The following TRMT9B variants were observed in gnomAD, a reference collection of about 807,000 sequenced individuals.
TRMT9B encodes the protein probable tRNA methyltransferase 9B.
In TRMT9B, 16 loss-of-function variants were observed where a neutral mutation model predicts 11.5. The ratio of observed to expected loss-of-function variants is 1.39; its 90% CI spans 0.94 to 2.11. The LOEUF is 2.11. Among genes scored for constraint, TRMT9B ranks in the 30% most tolerant of loss-of-function variants. The probability of loss-of-function intolerance (pLI) is 0.00; values close to 1 mark genes in which losing one functional copy is unlikely to be tolerated. For missense variants in TRMT9B, 941 were observed against 553.8 expected (o/e 1.70, Z -7.02); for synonymous variants, 274 against 192.4 (o/e 1.42, Z -3.51).
At chr8:13,017,740 A>T (rs1812999627) in intron 4 of TRMT9B, among the ~76,000 whole-genome samples, 1 of 150,020 alleles carries the variant, frequency 6.7e-6, no homozygotes, top group Non-Finnish European at 1.5e-5. Context: ...CAGTTTCCTG[A>T]GTAACTTGGA....
chr8:13,001,510 A>G (rs1809451921), intron 2 of TRMT9B, among the ~76,000 whole-genome samples: 2 of 152,264 alleles, frequency 1.3e-5, no homozygotes, highest in African/African-American at 4.8e-5. Flanking sequence ...CACTAAAACT[A>G]CATGAATGAA....
chr8:12,973,064 A>G (rs1453470797), intron 1 of TRMT9B, among the ~76,000 whole-genome samples: 2 of 152,158 alleles, frequency 1.3e-5, no homozygotes, highest in Non-Finnish European at 2.9e-5. Context: ...CAGGAACCTC[A>G]CATGAGTGGA....
At chr8:12,955,331 G>C (rs1473707457) in intron 1 of TRMT9B, among the ~76,000 whole-genome samples, 1 of 152,170 alleles carries the variant, frequency 6.6e-6, no homozygotes, top group African/African-American at 2.4e-5. Context: ...ATGATGATGA[G>C]GTGGTAGGGG....
At chr8:12,959,284 T>C (rs1801727260) in intron 1 of TRMT9B, among the ~76,000 whole-genome samples, 1 of 151,998 alleles carries the variant, frequency 6.6e-6, no homozygotes, top group African/African-American at 2.4e-5. Context: ...AGTGGAAAAA[T>C]CCCACACCTG....
chr8:13,011,370 T>G (rs959165154), intron 3 of TRMT9B: 1 of 985,228 alleles, frequency 1.0e-6, no homozygotes, highest in African/African-American at 1.7e-5. Context: ...GTATCATAAT[T>G]TTGAAAGTGC....
At chr8:12,965,483 G>C (rs759592625) in intron 1 of TRMT9B, among the ~76,000 whole-genome samples, 8 of 152,196 alleles carry the variant, frequency 5.3e-5, no homozygotes, top group African/African-American at 1.2e-4. Context: ...TCCCCGTCCA[G>C]AACCAAGGTG....
At chr8:13,019,565 A>AT (rs1414022379) in intron 4 of TRMT9B, among the ~76,000 whole-genome samples, 2 of 152,190 alleles carry the variant, frequency 1.3e-5, no homozygotes, top group Non-Finnish European at 1.5e-5. Flanking sequence ...AAGTGCTGGG[A>AT]TTACTGGCAT....
At chr8:12,958,062 G>T (rs1404289249) in intron 1 of TRMT9B, among the ~76,000 whole-genome samples, 1 of 152,116 alleles carries the variant, frequency 6.6e-6, no homozygotes, top group Admixed American at 6.5e-5. Flanking sequence ...CCGAGACTGG[G>T]TGATTTATAA....
At chr8:12,977,920 T>C (rs1188434214) in intron 1 of TRMT9B, among the ~76,000 whole-genome samples, 25 of 151,882 alleles carry the variant, frequency 1.6e-4, no homozygotes, top group Admixed American at 1.4e-3. Flanking sequence ...TCCCATCTAC[T>C]AGGGAGGCTG....
At chr8:12,982,554 C>T (rs928520013) in intron 1 of TRMT9B, among the ~76,000 whole-genome samples, 5 of 151,836 alleles carry the variant, frequency 3.3e-5, no homozygotes, top group East Asian at 1.9e-4. Flanking sequence ...CGCAGCTACT[C>T]GGGAGGCTGA....
chr8:13,022,115 G>T lies in TRMT9B; in HGVS notation c.*71G>T. ...TCCTCTTGGTTTGATATGGTTACCT[G>T]AATTTGCATTCAGTGTTATTTGTTA... On this transcript the variant is annotated 3_prime_UTR_variant, in exon 5 of 5. Coordinates refer to ENST00000524591, the MANE Select transcript of TRMT9B (RefSeq NM_020844.3). 1 of 1,078,654 alleles carries T rather than the reference G, an allele frequency of 9.3e-7. No homozygotes were observed. 66.8% of individuals were successfully genotyped at this position (1,078,654 alleles called of 1,614,324 possible). A position where few individuals can be genotyped will look rare whatever the true frequency, so the allele number is the denominator to read the frequency against.
At chr8:12,951,705 G>C (rs1800639655) in intron 1 of TRMT9B, 1 of 152,008 alleles carries the variant, frequency 6.6e-6, no homozygotes, top group Admixed American at 6.6e-5. Context: ...AGGCGGCCCG[G>C]GGAGGCGGGG....
intron 1 of TRMT9B, among the ~76,000 whole-genome samples, chr8:12,978,264 C>T (rs150475713): frequency 5.9e-5 from 9 of 152,274 alleles, no homozygotes; most frequent in African/African-American, 2.2e-4. Context: ...CAGGTGAGCT[C>T]CCTGCTACCT....
intron 1 of TRMT9B, among the ~76,000 whole-genome samples, chr8:12,961,330 A>G (rs62488978): frequency 0.36 from 54,855 of 152,026 alleles, 10,482 homozygotes; most frequent in East Asian, 0.68. Flanking sequence ...CACCAATGCA[A>G]TATTTTAATT....
intron 4 of TRMT9B, among the ~76,000 whole-genome samples, chr8:13,018,855 C>A (rs754138629): frequency 6.6e-6 from 1 of 152,152 alleles, no homozygotes; most frequent in Non-Finnish European, 1.5e-5. Context: ...CTAAATAATA[C>A]CTCAACACTA....
At chr8:12,996,615 A>T (rs892168623) in intron 2 of TRMT9B, among the ~76,000 whole-genome samples, 1 of 152,244 alleles carries the variant, frequency 6.6e-6, no homozygotes, top group Non-Finnish European at 1.5e-5. Context: ...GGCAGAACAC[A>T]GATGAGAGAG....
chr8:13,025,125 G>A lies in TRMT9B; in HGVS notation c.*3081G>A, dbSNP rs28667764. ...CCTTATTAATACTAGATCACACAGT[G>A]TCTTTCTTATTCCTTCTTCTTTACT... On this transcript the variant is annotated 3_prime_UTR_variant, in exon 5 of 5. Coordinates refer to ENST00000524591, the MANE Select transcript of TRMT9B (RefSeq NM_020844.3). The A allele has an allele frequency of 0.17, 28,263 of 166,848 alleles. 2,466 individuals carry two copies. The highest frequency in any genetic ancestry group is 0.22 in the East Asian group (1,157 of 5,164). The allele number at this position is 166,848 out of a possible 1,614,324, so 10.3% of individuals were successfully genotyped here.
intron 1 of TRMT9B, among the ~76,000 whole-genome samples, chr8:12,977,416 T>A (rs1436496123): frequency 2.0e-5 from 3 of 152,158 alleles, no homozygotes; most frequent in Non-Finnish European, 4.4e-5. Context: ...GTTAAAAATA[T>A]TCTTGGCCGG....
At chr8:12,948,955 G>A (rs531883051) in intron 1 of TRMT9B, among the ~76,000 whole-genome samples, 5 of 152,206 alleles carry the variant, frequency 3.3e-5, no homozygotes, top group Admixed American at 2.0e-4. Context: ...GCAAGACTCC[G>A]TTTCAAAAAC....
Sources: allele counts gnomAD v4.1 joint callset (sites outside exome capture counted in the v4.1 genomes callset), GRCh38; gene constraint gnomAD v4.1.1; transcripts MANE v1.5; gene names NCBI Gene and HGNC (gene_info 2026-07-23, HGNC 2026-07-21).